Variants in RFWD3 observed in about 807,000 individuals in gnomAD.
The protein encoded by RFWD3 is ring finger and WD repeat domain 3.
A neutral mutation model predicts 87.7 loss-of-function variants in RFWD3; 65 were observed. That is an observed-to-expected ratio of 0.74 (90% confidence interval 0.61 to 0.91). The LOEUF (loss-of-function observed/expected upper bound fraction) is 0.91, where lower values mean the gene tolerates loss of function less well. Ranked by LOEUF, RFWD3 falls within the 40% of genes least tolerant of loss-of-function variation. RFWD3 has a pLI of 0.00. For missense variants in RFWD3, 1,078 were observed against 938.5 expected (o/e 1.15, Z -1.94); for synonymous variants, 433 against 352.8 (o/e 1.23, Z -2.55).
intron 11 of RFWD3, among the ~76,000 whole-genome samples, chr16:74,626,993 T>C (rs891635094): frequency 6.6e-6 from 1 of 152,166 alleles, no homozygotes; most frequent in African/African-American, 2.4e-5. Context: ...AAGGGAAACA[T>C]GTATCTGAAA....
In RFWD3 at chr16:74,636,590, A is replaced by G. The variant is rs770275165; in HGVS notation, c.1195-13T>C. On this transcript the variant is annotated splice_polypyrimidine_tract_variant and intron_variant, in intron 7 of 12. Transcript: ENST00000361070. ...GTTTTTGCAAGTCCTAAAATGAAAA[A>G]GATTTTATAAATACAAAGCTTTTTA... The G allele has an allele frequency of 1.9e-6, 3 of 1,576,874 alleles. No individual in the cohort carries two copies. The highest frequency in any genetic ancestry group is 2.6e-6 in the Non-Finnish European group (3 of 1,150,316).
intron 2 of RFWD3, among the ~76,000 whole-genome samples, chr16:74,660,235 G>A (rs556544631): frequency 2.0e-5 from 3 of 152,130 alleles, no homozygotes; most frequent in East Asian, 1.9e-4. Context: ...GCACCACTGC[G>A]CTCCAGCCTG....
chr16:74,652,662 G>A (rs1960656074), intron 2 of RFWD3, among the ~76,000 whole-genome samples: 1 of 151,994 alleles, frequency 6.6e-6, no homozygotes, highest in South Asian at 2.1e-4. Flanking sequence ...TGATAATATG[G>A]CATCAAACAA....
At chr16:74,641,799 G>C (rs532564551) in intron 6 of RFWD3, among the ~76,000 whole-genome samples, 2 of 151,102 alleles carry the variant, frequency 1.3e-5, no homozygotes, top group African/African-American at 4.9e-5. Flanking sequence ...GGTGAAAGGC[G>C]CCTGTAATCC....
intron 10 of RFWD3, among the ~76,000 whole-genome samples, 159 bp downstream of exon 10, chr16:74,630,622 A>C (rs1300430511): frequency 6.6e-6 from 1 of 152,220 alleles, no homozygotes; most frequent in Non-Finnish European, 1.5e-5. Context: ...ACTCTTATTA[A>C]TAAGAATGTT....
chr16:74,643,669 G>GCTTTTTTTTT lies in RFWD3; in HGVS notation c.1079+692_1079+693insAAAAAAAAAG, dbSNP rs56803461. On this transcript the variant is annotated intron_variant, in intron 6 of 12. Coordinates refer to ENST00000361070, the MANE Select transcript of RFWD3 (RefSeq NM_018124.4). ...ATACTGAGTGGTGTTACTAGCAACT[G>GCTTTTTTTTT]TTTTTTTTTTTTTTTTTTTTTTTTG... 1.6e-4 allele frequency among the ~76,000 whole-genome samples: 17 copies of GCTTTTTTTTT among 105,054 alleles called. 7 individuals carry two copies. The highest frequency in any genetic ancestry group is 1.9e-4 in the Non-Finnish European group (10 of 53,500). The allele number at this position is 105,054 out of a possible 152,430, so 68.9% of individuals were successfully genotyped here.
chr16:74,649,101 A>AT lies in RFWD3; in HGVS notation c.792+30dup, dbSNP rs768970320. The AT allele has an allele frequency of 2.8e-4, 401 of 1,434,050 alleles. 1 individual carries two copies. The highest frequency in any genetic ancestry group is 3.7e-4 in the Non-Finnish European group (384 of 1,040,604). 88.8% of individuals were successfully genotyped at this position (1,434,050 alleles called of 1,614,324 possible). A position where few individuals can be genotyped will look rare whatever the true frequency, so the allele number is the denominator to read the frequency against. ...TCTCTAAAAATAAATAAATAAATAAATAGATTTTTTTAAAATGATGTTCAT... is the reference window on the plus strand; with the variant it reads ...TCTCTAAAAATAAATAAATAAATAAATTAGATTTTTTTAAAATGATGTTCAT... On this transcript the variant is annotated intron_variant, in intron 4 of 12. Transcript: ENST00000361070.
chr16:74,661,098 G>T lies in RFWD3; in HGVS notation c.352C>A (p.His118Asn). 1 of 1,614,204 alleles carries T rather than the reference G, an allele frequency of 6.2e-7. No individual in the cohort carries two copies. The highest frequency in any genetic ancestry group is 1.3e-5 in the African/African-American group (1 of 75,058). ...GNHTIPASSL[H>N]SMTNFISGLQ... is the part of the protein sequence containing the mutation. ...CCGCTGATGAAGTTGGTCATTGAATGCAACGAAGATGCTGGGATGGTGTGA... is the reference window on the plus strand; with the variant it reads ...CCGCTGATGAAGTTGGTCATTGAATTCAACGAAGATGCTGGGATGGTGTGA... Residue 118 changes from histidine (H) to asparagine (N), a missense_variant, in exon 2 of 13, where the codon CAT becomes AAT. By Grantham distance (68) the His-to-Asn change is moderately conservative (BLOSUM62 1). Coordinates refer to ENST00000361070, the MANE Select transcript of RFWD3 (RefSeq NM_018124.4).
rs1958769131 is a variant in RFWD3, at chr16:74,621,591, A to T, written c.*2337T>A. 1 of 152,096 alleles carries T rather than the reference A, an allele frequency of 6.6e-6. No homozygotes were observed. The highest frequency in any genetic ancestry group is 1.5e-5 in the Non-Finnish European group (1 of 67,988). 9.4% of individuals were successfully genotyped at this position (152,096 alleles called of 1,614,324 possible). Reference sequence around the variant, plus strand: ...AAAAACTTAGAGGTAGTGACAAAGGAATATGGTGGGGCAGAGACTGGTGGA... The same window carrying T: ...AAAAACTTAGAGGTAGTGACAAAGGTATATGGTGGGGCAGAGACTGGTGGA... On this transcript the variant is annotated 3_prime_UTR_variant, in exon 13 of 13. Transcript: ENST00000361070.
chr16:74,663,995 C>G (rs556408927), intron 1 of RFWD3, among the ~76,000 whole-genome samples: 4 of 152,332 alleles, frequency 2.6e-5, no homozygotes, highest in Middle Eastern at 6.8e-3. Flanking sequence ...CCCTTCTCCC[C>G]CTATGCACGA....
At chr16:74,635,512 G>A (rs1400060333) in intron 8 of RFWD3, among the ~76,000 whole-genome samples, 1 of 151,648 alleles carries the variant, frequency 6.6e-6, no homozygotes, top group Non-Finnish European at 1.5e-5. Context: ...TACACACCGA[G>A]TTAATCATTA....
intron 2 of RFWD3, among the ~76,000 whole-genome samples, chr16:74,655,393 C>A (rs981706613): frequency 9.2e-5 from 14 of 151,952 alleles, no homozygotes; most frequent in African/African-American, 3.1e-4. Context: ...GCACCCGCCA[C>A]CACGCCTGGC....
At chr16:74,653,112 G>GTAA (rs1162527817) in intron 2 of RFWD3, among the ~76,000 whole-genome samples, 7 of 152,200 alleles carry the variant, frequency 4.6e-5, no homozygotes, top group Non-Finnish European at 8.8e-5. Flanking sequence ...GCCAAGGTGG[G>GTAA]TAAACTGCTT....
chr16:74,656,493 T>C lies in RFWD3; in HGVS notation c.519-4371A>G, dbSNP rs192497566. Among the ~76,000 whole-genome samples, 56 of 152,146 alleles carry C rather than the reference T, an allele frequency of 3.7e-4. 2 individuals are homozygous for C. Among genetic ancestry groups the C allele is most frequent in the Admixed American group, 3.3e-3 (51 of 15,272 alleles). On this transcript the variant is annotated intron_variant, in intron 2 of 12. Transcript: ENST00000361070. ...GAAATGATCCACCATTCTTTTTTTT[T>C]CTTTTTGGAGACAGGGTCTGGCTCT...
At chr16:74,637,385 G>C (rs191188267) in intron 7 of RFWD3, among the ~76,000 whole-genome samples, 1 of 152,296 alleles carries the variant, frequency 6.6e-6, no homozygotes, top group African/African-American at 2.4e-5. Context: ...CCAGCACTTT[G>C]GGAAGCCAAG....
chr16:74,661,527 ATCTT>A (rs1202107728), intron 1 of RFWD3, 76 bp from the exon 2 acceptor site: 33 of 1,279,082 alleles, frequency 2.6e-5, no homozygotes, highest in Non-Finnish European at 3.1e-5. Flanking sequence ...ATCATATTTA[ATCTT>A]TCTGATTTTA....
At chr16:74,656,044 C>T (rs549163160) in intron 2 of RFWD3, among the ~76,000 whole-genome samples, 284 of 152,022 alleles carry the variant, frequency 1.9e-3, no homozygotes, top group African/African-American at 6.5e-3. Flanking sequence ...TTCTGCAGCC[C>T]AACTTTCAAG....
rs759451651 is a variant in RFWD3, at chr16:74,644,591, A to G, written c.937T>C (p.Tyr313His). Residue 313 changes from tyrosine (Y) to histidine (H), a missense_variant, in exon 5 of 13, where the codon TAT becomes CAT. Tyr to His is a moderately conservative substitution (Grantham distance 83). Transcript: ENST00000361070. ...SALRCGHLFG[Y>H]RCISTWLKGQ... ...TTAAGCCACGTGGAAATGCACCTATACCCAAAGAGATGCCCACAGCGTAAT... is the reference window on the plus strand; with the variant it reads ...TTAAGCCACGTGGAAATGCACCTATGCCCAAAGAGATGCCCACAGCGTAAT... 99 of 1,614,016 alleles carry G rather than the reference A, an allele frequency of 6.1e-5. No homozygotes were observed. Among genetic ancestry groups the G allele is most frequent in the Non-Finnish European group, 8.1e-5 (95 of 1,180,030 alleles).
At position 74,666,833 on chromosome 16, in the gene RFWD3, G is replaced by A. The variant is rs918013249; in HGVS notation, c.-50C>T. ...GGGCTCGCGAGCCCGCCGAAGACTCGGTAGTTACCTCGGCCGCACTCCGAA... is the reference window on the plus strand; with the variant it reads ...GGGCTCGCGAGCCCGCCGAAGACTCAGTAGTTACCTCGGCCGCACTCCGAA... On this transcript the variant is annotated 5_prime_UTR_variant, in exon 1 of 13. Transcript: ENST00000361070. The A allele has an allele frequency of 6.6e-5, 10 of 152,592 alleles. 2 individuals are homozygous for A. 9.5% of individuals were successfully genotyped at this position (152,592 alleles called of 1,614,324 possible). A position where few individuals can be genotyped will look rare whatever the true frequency, so the allele number is the denominator to read the frequency against.
Sources: gnomAD v4.1 joint callset for allele counts (sites outside exome capture counted in the v4.1 genomes callset) on GRCh38, gnomAD v4.1.1 for gene constraint, MANE v1.5 for transcripts, NCBI Gene and HGNC (gene_info 2026-07-23, HGNC 2026-07-21) for gene names.